The following BCAR3 variants were observed in gnomAD, a reference collection of about 807,000 sequenced individuals.
BCAR3 encodes the protein breast cancer anti-estrogen resistance protein 3.
In BCAR3, 37 loss-of-function variants were observed where a neutral mutation model predicts 80.1. That is an observed-to-expected ratio of 0.46 (90% CI 0.36 to 0.61). The LOEUF is 0.61. Among genes scored for constraint, BCAR3 ranks in the 20% least tolerant of loss-of-function variants. BCAR3 has a pLI of 0.00. For missense variants in BCAR3, 978 were observed against 1,068.2 expected, an observed-to-expected ratio of 0.92 and a Z score of 1.18; for synonymous variants, 389 against 418.9, an observed-to-expected ratio of 0.93 and a Z score of 0.87.
chr1:93,766,707 T>C (rs1454812301), intron 2 of BCAR3, among the ~76,000 whole-genome samples: 1 of 152,252 alleles, frequency 6.6e-6, no homozygotes, highest in Admixed American at 6.5e-5. Flanking sequence ...CCGTATCAGC[T>C]GTAATCTTGT....
intron 2 of BCAR3, among the ~76,000 whole-genome samples, chr1:93,738,227 T>C (rs1213695279): frequency 1.3e-5 from 2 of 152,168 alleles, no homozygotes; most frequent in Admixed American, 1.3e-4. Flanking sequence ...ATCTTCAAAG[T>C]AGGGACAATA....
chr1:93,843,354 T>C (rs1356177239), intron 2 of BCAR3, among the ~76,000 whole-genome samples: 1 of 152,244 alleles, frequency 6.6e-6, no homozygotes, highest in Non-Finnish European at 1.5e-5. Context: ...GTGGGATTTC[T>C]TTATTAAGAG....
At chr1:93,565,808 A>G (rs994029907) in intron 11 of BCAR3, among the ~76,000 whole-genome samples, 1 of 152,214 alleles carries the variant, frequency 6.6e-6, no homozygotes, top group South Asian at 2.1e-4. Context: ...GTTCTGAGGC[A>G]GCTCCCTTTT....
rs112490025 is a variant in BCAR3, at chr1:93,768,269, T to TTGTGTGTG, written c.-62-62135_-62-62128dup. On this transcript the variant is annotated intron_variant, in intron 2 of 13. Transcript: ENST00000370244. ...AAAGACTGAGTGAATGTGTGTGTGTTTGTGTGTGTGTGTGTGTGTGTACAA... is the reference window on the plus strand; with the variant it reads ...AAAGACTGAGTGAATGTGTGTGTGTTTGTGTGTGTGTGTGTGTGTGTGTGTGTGTACAA... Among the ~76,000 whole-genome samples the TTGTGTGTG allele has an allele frequency of 4.2e-3, 532 of 126,812 alleles. 1 individual carries two copies. The highest frequency in any genetic ancestry group is 8.8e-3 in the African/African-American group (280 of 31,648). 83.2% of individuals were successfully genotyped at this position (126,812 alleles called of 152,430 possible).
intron 1 of BCAR3, among the ~76,000 whole-genome samples, chr1:93,680,536 C>A (rs1648704891): frequency 6.6e-6 from 1 of 152,158 alleles, no homozygotes; most frequent in Non-Finnish European, 1.5e-5. Flanking sequence ...CAGTCCCAGG[C>A]AACACAAGGG....
intron 3 of BCAR3, among the ~76,000 whole-genome samples, chr1:93,618,653 CA>C (rs1675211593): frequency 1.3e-5 from 2 of 152,172 alleles, no homozygotes; most frequent in Non-Finnish European, 2.9e-5. Flanking sequence ...TCTTATATTA[CA>C]CAAGCTCAAT....
chr1:93,579,764 G>T (rs2101824928), intron 7 of BCAR3, among the ~76,000 whole-genome samples: 1 of 152,276 alleles, frequency 6.6e-6, no homozygotes, highest in South Asian at 2.1e-4. Flanking sequence ...GTTTCTACGA[G>T]GAGCTTCCTC....
chr1:93,617,574 G>C (rs543375510), intron 3 of BCAR3, among the ~76,000 whole-genome samples: 1 of 152,322 alleles, frequency 6.6e-6, no homozygotes, highest in South Asian at 2.1e-4. Flanking sequence ...ATCGTGATCA[G>C]AACAGCTCAA....
chr1:93,588,955 T>G, intron 5 of BCAR3, 22 bp downstream of exon 5: 1 of 1,536,738 alleles, frequency 6.5e-7, no homozygotes, highest in Non-Finnish European at 8.8e-7. Context: ...CTCATAGTCC[T>G]GCAGAGGAGG....
At chr1:93,722,597 G>A (rs911183324) in intron 2 of BCAR3, among the ~76,000 whole-genome samples, 4 of 152,108 alleles carry the variant, frequency 2.6e-5, no homozygotes, top group South Asian at 2.1e-4. Flanking sequence ...GCTTTCACAC[G>A]AGACGTTGCC....
Position 93,769,355 on chromosome 1 carries a change from A to ATGTGTGTGTGTGTG in BCAR3, c.-62-63227_-62-63214dup, listed in dbSNP as rs59798936. 1.0e-3 allele frequency among the ~76,000 whole-genome samples: 121 copies of ATGTGTGTGTGTGTG among 119,912 alleles called. 1 individual carries two copies. Among genetic ancestry groups the ATGTGTGTGTGTGTG allele is most frequent in the African/African-American group, 3.3e-3 (104 of 31,502 alleles). The allele number at this position is 119,912 out of a possible 152,430, so 78.7% of individuals were successfully genotyped here. A position where few individuals can be genotyped will look rare whatever the true frequency, so the allele number is the denominator to read the frequency against. On this transcript the variant is annotated intron_variant, in intron 2 of 13. Coordinates refer to the BCAR3 transcript ENST00000370244. ...TTTAGGACTAAATATGTGGGTAGGA[A>ATGTGTGTGTGTGTG]TGTGTGTGTGTGTGTGTGTGTGTGT...
intron 2 of BCAR3, among the ~76,000 whole-genome samples, chr1:93,749,797 C>T (rs1489719306): frequency 2.6e-5 from 4 of 151,900 alleles, no homozygotes; most frequent in Admixed American, 2.0e-4. Context: ...AAGCAAATTG[C>T]ACCTGCACAA....
chr1:93,694,766 G>T (rs955653777), intron 3 of BCAR3, among the ~76,000 whole-genome samples: 1 of 152,128 alleles, frequency 6.6e-6, no homozygotes, highest in African/African-American at 2.4e-5. Flanking sequence ...AAACACATTT[G>T]GGAGACCCCA....
chr1:93,618,999 C>T (rs955795412), intron 3 of BCAR3, among the ~76,000 whole-genome samples: 2 of 147,810 alleles, frequency 1.4e-5, no homozygotes, highest in African/African-American at 5.0e-5. Context: ...AGTGCAGTGG[C>T]GCGATCTTGG....
In BCAR3 at chr1:93,785,754, T is replaced by C. The variant is rs548179610; in HGVS notation, c.-63+59813A>G. Among the ~76,000 whole-genome samples the C allele has an allele frequency of 1.4e-3, 206 of 152,350 alleles. 2 individuals carry two copies. The highest frequency in any genetic ancestry group is 4.7e-3 in the African/African-American group (194 of 41,582). On this transcript the variant is annotated intron_variant, in intron 2 of 13. Coordinates refer to the BCAR3 transcript ENST00000370244. ...GCTGCAATAACATTTCCCATCCACA[T>C]GCTATTTTTATAAGGTAACCATGAC...
chr1:93,723,615 CA>C (rs1650482684), intron 2 of BCAR3: 1 of 152,280 alleles, frequency 6.6e-6, no homozygotes, highest in Admixed American at 6.5e-5. Flanking sequence ...TCCACCCCCT[CA>C]ATGCCTTTAT....
chr1:93,706,805 A>T (rs557499514), intron 2 of BCAR3, among the ~76,000 whole-genome samples: 6 of 152,368 alleles, frequency 3.9e-5, no homozygotes, highest in African/African-American at 1.4e-4. Context: ...TCAATATTAC[A>T]CAGCCATTAT....
chr1:93,587,819 G>A (rs945663935), intron 5 of BCAR3, among the ~76,000 whole-genome samples: 4 of 151,976 alleles, frequency 2.6e-5, no homozygotes, highest in Non-Finnish European at 5.9e-5. Flanking sequence ...CTATGTCCCC[G>A]ATGCCTGCCT....
chr1:93,640,483 C>A lies in BCAR3; in HGVS notation c.357+1821G>T, dbSNP rs74688319. On this transcript the variant is annotated intron_variant, in intron 3 of 11. Coordinates refer to ENST00000260502, the MANE Select transcript of BCAR3 (RefSeq NM_003567.4). ...TGATTTATAAGGCTCTGACTAGATT[C>A]AGATCAAGTTAGGAGGAAAGGGTAC... is the stretch of plus-strand genomic sequence containing the variant. Among the ~76,000 whole-genome samples the A allele has an allele frequency of 4.7e-3, 714 of 152,234 alleles. 11 individuals carry two copies. The highest frequency in any genetic ancestry group is 0.017 in the African/African-American group (687 of 41,526).
Sources: gnomAD v4.1 joint callset for allele counts (sites outside exome capture counted in the v4.1 genomes callset) on GRCh38, gnomAD v4.1.1 for gene constraint, MANE v1.5 for transcripts, NCBI Gene and HGNC (gene_info 2026-07-23, HGNC 2026-07-21) for gene names.